The following HNRNPD variants were observed in gnomAD, a reference collection of about 807,000 sequenced individuals.
HNRNPD encodes the protein heterogeneous nuclear ribonucleoprotein D0.
Under a neutral mutation model 47.9 loss-of-function variants are expected in HNRNPD, and 3 were observed. The ratio of observed to expected loss-of-function variants is 0.06; its 90% CI spans 0.03 to 0.16. HNRNPD has a LOEUF of 0.16. Ranked by LOEUF, HNRNPD falls within the 10% of genes least tolerant of loss-of-function variation. HNRNPD has a pLI of 1.00. For missense variants in HNRNPD, 287 were observed against 454.2 expected (o/e 0.63, Z 3.35); for synonymous variants, 171 against 165.1 (o/e 1.04, Z -0.28).
intron 3 of HNRNPD, among the ~76,000 whole-genome samples, chr4:82,359,047 T>C (rs1265574094): frequency 6.6e-6 from 1 of 152,146 alleles, no homozygotes; most frequent in Non-Finnish European, 1.5e-5. Context: ...AATTACTAGA[T>C]AACCATTACC....
chr4:82,359,694 A>T (rs1723880292), intron 2 of HNRNPD, 55 bp from the exon 3 acceptor site: 2 of 1,193,544 alleles, frequency 1.7e-6, no homozygotes, highest in Non-Finnish European at 2.3e-6. Flanking sequence ...CTTAAATATT[A>T]TCCACATCAA....
chr4:82,356,538 G>C lies in HNRNPD; in HGVS notation c.999C>G (p.Ser333Arg). 6.2e-7 allele frequency: 1 copy of C among 1,602,112 alleles called. No individual in the cohort carries two copies. Among genetic ancestry groups the C allele is most frequent in the Non-Finnish European group, 8.5e-7 (1 of 1,171,300 alleles). ...TAATATAAAAAGTATAGTACTTACT[G>C]CTATAATCACCATATCCATAGTAGT... ...YNNYYGYGDY[S>R]NQQSGYGKVS... The change falls in exon 7 of 9, where the codon AGC becomes AGG. Residue 333 changes from serine (S) to arginine (R), a missense_variant and splice_region_variant. Around this residue, in one of 5 missense-constraint regions of HNRNPD, gnomAD observed 65 missense variants for 107.1 expected, o/e 0.61. Coordinates refer to ENST00000313899, the MANE Select transcript of HNRNPD (RefSeq NM_031370.3).
At chr4:82,362,645 C>T (rs1719526985) in intron 2 of HNRNPD, among the ~76,000 whole-genome samples, 2 of 152,156 alleles carry the variant, frequency 1.3e-5, no homozygotes, top group Non-Finnish European at 2.9e-5. Flanking sequence ...CTCTGTCGCC[C>T]AAGCTGGAGC....
chr4:82,368,734 G>C (rs1314046671), intron 2 of HNRNPD, among the ~76,000 whole-genome samples: 1 of 152,126 alleles, frequency 6.6e-6, no homozygotes, highest in African/African-American at 2.4e-5. Context: ...CAGTAAATTT[G>C]GCATGAGACT....
In HNRNPD at chr4:82,373,814, G is replaced by A; in HGVS notation, c.-136C>T. 2.0e-6 allele frequency: 3 copies of A among 1,494,008 alleles called. No homozygotes were observed. Among genetic ancestry groups the A allele is most frequent in the Admixed American group, 2.1e-5 (1 of 47,650 alleles). 92.5% of individuals were successfully genotyped at this position (1,494,008 alleles called of 1,614,324 possible). ...AGCACACAAGACAGGGAAGGCGCGCGCGTGGCTGCAAAGGCTCCTGCGCCT... is the reference window on the plus strand; with the variant it reads ...AGCACACAAGACAGGGAAGGCGCGCACGTGGCTGCAAAGGCTCCTGCGCCT... On this transcript the variant is annotated 5_prime_UTR_variant, in exon 1 of 9. Transcript: ENST00000313899.
chr4:82,359,711 A>C (rs1723881248), intron 2 of HNRNPD, 72 bp from the exon 3 acceptor site: 2 of 971,856 alleles, frequency 2.1e-6, no homozygotes, highest in Admixed American at 4.8e-5. Flanking sequence ...TCAATAACAC[A>C]CCTTTTCCAA....
chr4:82,361,393 A>C (rs139872884), intron 2 of HNRNPD, among the ~76,000 whole-genome samples: 1 of 152,244 alleles, frequency 6.6e-6, no homozygotes, highest in African/African-American at 2.4e-5. Flanking sequence ...TAAGATGACC[A>C]TAAGTTCCAC....
chr4:82,372,406 A>G (rs1720091382), intron 1 of HNRNPD, among the ~76,000 whole-genome samples: 1 of 152,214 alleles, frequency 6.6e-6, no homozygotes, highest in Non-Finnish European at 1.5e-5. Context: ...AAAAGAAAAA[A>G]AAAGTATCCC....
In HNRNPD at chr4:82,373,120, C is replaced by T. The variant is rs191565616; in HGVS notation, c.233+326G>A. ...ACAGCATGGAAAGAAAAAAGGTACC[C>T]CACGACAGGCGGGAAAAAATCCTGG... On this transcript the variant is annotated intron_variant, in intron 1 of 8. Transcript: ENST00000313899. The T allele has an allele frequency of 2.4e-3, 1,355 of 569,714 alleles. 29 individuals are homozygous for T. The Admixed American group carries it at 0.027, about 12-fold the overall frequency. 35.3% of individuals were successfully genotyped at this position (569,714 alleles called of 1,614,324 possible).
At chr4:82,365,453 AG>A (rs1719701119) in intron 2 of HNRNPD, among the ~76,000 whole-genome samples, 1 of 152,056 alleles carries the variant, frequency 6.6e-6, no homozygotes, top group Non-Finnish European at 1.5e-5. Flanking sequence ...TAGTTACCTA[AG>A]GGGAAGGGAG....
intron 2 of HNRNPD, among the ~76,000 whole-genome samples, chr4:82,363,871 T>C (rs1036916879): frequency 2.0e-5 from 3 of 152,248 alleles, no homozygotes; most frequent in Non-Finnish European, 2.9e-5. Context: ...ATCCAAGTGA[T>C]ATGCAGTATC....
At chr4:82,361,446 T>C (rs1287578481) in intron 2 of HNRNPD, among the ~76,000 whole-genome samples, 4 of 152,216 alleles carry the variant, frequency 2.6e-5, no homozygotes, top group African/African-American at 9.6e-5. Flanking sequence ...ACTATTAAAT[T>C]ACCCTTTCCA....
intron 7 of HNRNPD, 165 bp from the exon 8 acceptor site, chr4:82,355,566 G>A (rs1220678916): frequency 7.7e-5 from 47 of 607,810 alleles, no homozygotes; most frequent in East Asian, 1.4e-4. Flanking sequence ...CAAATATGTA[G>A]TGAATGCATA....
At chr4:82,355,069 T>C (rs1278375258) in intron 8 of HNRNPD, 2 of 509,878 alleles carry the variant, frequency 3.9e-6, no homozygotes, top group Non-Finnish European at 6.9e-6. Flanking sequence ...AATTCCTTAA[T>C]TTGTACCCAT....
chr4:82,366,037 A>G (rs1347285211), intron 2 of HNRNPD, among the ~76,000 whole-genome samples: 2 of 152,094 alleles, frequency 1.3e-5, no homozygotes, highest in Non-Finnish European at 2.9e-5. Flanking sequence ...AAGAATAGGT[A>G]TTCCTCTCCC....
chr4:82,372,159 C>T (rs1720078271), intron 1 of HNRNPD, among the ~76,000 whole-genome samples: 1 of 151,850 alleles, frequency 6.6e-6, no homozygotes, highest in Non-Finnish European at 1.5e-5. Flanking sequence ...AATTCAGACA[C>T]ACACACACCC....
chr4:82,373,580 C>G lies in HNRNPD; in HGVS notation c.99G>C (p.Ala33=). Residue 33 remains alanine, a synonymous_variant, in exon 1 of 9, where the codon GCG becomes GCC. Transcript: ENST00000313899. ...AGEQEGAMVA[A]TQGAAAAAGS... ...CCGCCGCCGCCGCTGCCCCCTGTGT[C>G]GCCGCCACCATGGCTCCCTCCTGCT... 6.5e-7 allele frequency: 1 copy of G among 1,537,220 alleles called. No individual in the cohort carries two copies. Among genetic ancestry groups the G allele is most frequent in the Non-Finnish European group, 8.7e-7 (1 of 1,143,878 alleles).
chr4:82,372,954 C>T (rs1227429469), intron 1 of HNRNPD, among the ~76,000 whole-genome samples: 2 of 152,218 alleles, frequency 1.3e-5, no homozygotes, highest in African/African-American at 4.8e-5. Flanking sequence ...CCTACGCGTT[C>T]CCCAAAACAT....
At chr4:82,370,572 T>C (rs553144462) in intron 2 of HNRNPD, among the ~76,000 whole-genome samples, 1 of 152,232 alleles carries the variant, frequency 6.6e-6, no homozygotes, top group East Asian at 1.9e-4. Flanking sequence ...CTGTTTCCCA[T>C]CTGCTTTTTC....
Sources: gnomAD v4.1 joint callset for allele counts (sites outside exome capture counted in the v4.1 genomes callset) on GRCh38, gnomAD v4.1.1 for gene constraint, gnomAD v4.1.1 regional missense constraint, MANE v1.5 for transcripts, NCBI Gene and HGNC (gene_info 2026-07-23, HGNC 2026-07-21) for gene names.